Variants in PCCA observed in about 807,000 individuals in gnomAD.
The protein encoded by PCCA is propionyl-CoA carboxylase alpha chain, mitochondrial.
A neutral mutation model predicts 101.3 loss-of-function variants in PCCA; 74 were observed. The ratio of observed to expected loss-of-function variants is 0.73; its 90% CI spans 0.61 to 0.89. PCCA has a LOEUF of 0.89. Among genes scored for constraint, PCCA ranks in the 40% least tolerant of loss-of-function variants. The pLI is 0.00. For missense variants in PCCA, 891 were observed against 907.0 expected (o/e 0.98, Z 0.23); for synonymous variants, 294 against 313.6 (o/e 0.94, Z 0.66).
At position 100,529,861 on chromosome 13, in the gene PCCA, G is replaced by A. The variant is rs367618857; in HGVS notation, c.2119-237G>A. Among the ~76,000 whole-genome samples, 569 of 152,278 alleles carry A rather than the reference G, an allele frequency of 3.7e-3. 4 individuals are homozygous for A. The highest frequency in any genetic ancestry group is 0.014 in the Middle Eastern group (4 of 294). On this transcript the variant is annotated intron_variant, in intron 23 of 23. Transcript: ENST00000376285. The stretch of plus-strand genomic sequence containing the variant: ...AGCCCTCAGGCCAGCCACTGTGAGG[G>A]TGCCGAGGACAGAGGAGACGGGAAA...
At chr13:100,102,245 A>G (rs1361869922) in intron 1 of PCCA, among the ~76,000 whole-genome samples, 1 of 151,716 alleles carries the variant, frequency 6.6e-6, no homozygotes, top group African/African-American at 2.4e-5. Context: ...GGCTCAAGTA[A>G]TACTCCCACC....
chr13:100,446,701 C>CT (rs920189537), intron 20 of PCCA, among the ~76,000 whole-genome samples: 57 of 152,138 alleles, frequency 3.7e-4, no homozygotes, highest in African/African-American at 1.3e-3. Context: ...TGTTTTCTGT[C>CT]TTTTTTTGCC....
chr13:100,233,545 A>G (rs1003379892), intron 7 of PCCA, among the ~76,000 whole-genome samples: 8 of 152,150 alleles, frequency 5.3e-5, no homozygotes, highest in African/African-American at 1.9e-4. Flanking sequence ...AGGGCTTTTT[A>G]TCTCTTCAAA....
At chr13:100,089,584 C>T (rs1379873055) in intron 1 of PCCA, among the ~76,000 whole-genome samples, 2 of 152,218 alleles carry the variant, frequency 1.3e-5, no homozygotes, top group Non-Finnish European at 2.9e-5. Flanking sequence ...TCCAGGGTGT[C>T]TTTTTAGGTG....
chr13:100,176,397 G>A (rs2056241817), intron 6 of PCCA, among the ~76,000 whole-genome samples: 1 of 152,222 alleles, frequency 6.6e-6, no homozygotes, highest in African/African-American at 2.4e-5. Flanking sequence ...AGAAGAAAAT[G>A]TTATAATTCT....
rs77782153 is a variant in PCCA at position 100,520,250 on chromosome 13, A to G, written c.2040+4683A>G. Among the ~76,000 whole-genome samples, 478 of 152,342 alleles carry G rather than the reference A, an allele frequency of 3.1e-3. 18 individuals carry two copies. The East Asian group carries it at 0.064, about 21-fold the overall frequency. ...ATATAACATGAACTTCCCCTGTGGC[A>G]AGCTCCTCCATCTCATTCCTGTCCT... On this transcript the variant is annotated intron_variant, in intron 22 of 23. Coordinates refer to ENST00000376285, the MANE Select transcript of PCCA (RefSeq NM_000282.4).
chr13:100,295,959 T>G (rs2152670436), intron 12 of PCCA, among the ~76,000 whole-genome samples: 1 of 152,364 alleles, frequency 6.6e-6, no homozygotes, highest in Non-Finnish European at 1.5e-5. Context: ...AAAATTTCCT[T>G]GAATCTTGCT....
intron 12 of PCCA, among the ~76,000 whole-genome samples, chr13:100,277,140 C>T (rs1208670018): frequency 1.3e-5 from 2 of 152,090 alleles, no homozygotes; most frequent in African/African-American, 4.8e-5. Flanking sequence ...AGCCCGGTTG[C>T]AGTTCTAGAG....
chr13:100,330,362 G>A (rs572795394), intron 16 of PCCA, among the ~76,000 whole-genome samples, 199 bp from the exon 17 acceptor site: 1 of 152,228 alleles, frequency 6.6e-6, no homozygotes, highest in Admixed American at 6.5e-5. Context: ...GCAATACCAA[G>A]CTTCTTAAAT....
chr13:100,497,192 A>G (rs756519137), intron 21 of PCCA, among the ~76,000 whole-genome samples: 8 of 152,202 alleles, frequency 5.3e-5, no homozygotes, highest in Non-Finnish European at 1.0e-4. Context: ...ATGCACAGTT[A>G]ATTTGGTTGC....
rs151227355 is a variant in PCCA at position 100,261,858 on chromosome 13, G to A, written c.717-871G>A. Among the ~76,000 whole-genome samples the A allele has an allele frequency of 2.0e-5, 3 of 152,242 alleles. No individual in the cohort carries two copies. In the East Asian group the frequency reaches 5.8e-4, roughly 29 times the overall value. ...GTGGGAGGCAACTGCATTTCAAGAT[G>A]TGGATTTAAAATATTAAGCAGTGTT... On this transcript the variant is annotated intron_variant, in intron 9 of 23. Coordinates refer to ENST00000376285, the MANE Select transcript of PCCA (RefSeq NM_000282.4).
At position 100,197,367 on chromosome 13, in the gene PCCA, T is replaced by A. The variant is rs903008143; in HGVS notation, c.469-11965T>A. On this transcript the variant is annotated intron_variant, in intron 6 of 23. Coordinates refer to ENST00000376285, the MANE Select transcript of PCCA (RefSeq NM_000282.4). The stretch of plus-strand genomic sequence containing the variant: ...GGACCATGCCTGGTTAATTTTTAAA[T>A]TTTTTTTTGTAGAAACAGGGCCCCA... 2.6e-5 allele frequency among the ~76,000 whole-genome samples: 4 copies of A among 151,334 alleles called. No homozygotes were observed. In the East Asian group the frequency reaches 5.8e-4, roughly 22 times the overall value.
At chr13:100,256,312 C>T (rs991487825) in intron 8 of PCCA, among the ~76,000 whole-genome samples, 2 of 152,036 alleles carry the variant, frequency 1.3e-5, no homozygotes, top group African/African-American at 4.8e-5. Context: ...GCCTAAATGG[C>T]CCTTCTGATA....
At chr13:100,261,338 G>A (rs917717240) in intron 9 of PCCA, among the ~76,000 whole-genome samples, 1 of 151,678 alleles carries the variant, frequency 6.6e-6, no homozygotes, top group African/African-American at 2.4e-5. Flanking sequence ...TTTTAGGCAA[G>A]CAAGTTTGGG....
At chr13:100,236,336 A>G (rs563837678) in intron 8 of PCCA, 20 of 164,566 alleles carry the variant, frequency 1.2e-4, no homozygotes, top group African/African-American at 4.3e-4. Context: ...AGATGTGGGA[A>G]ATTAGAACTG....
At chr13:100,392,057 G>A (rs1595722445) in intron 19 of PCCA, among the ~76,000 whole-genome samples, 1 of 152,254 alleles carries the variant, frequency 6.6e-6, no homozygotes, top group East Asian at 1.9e-4. Flanking sequence ...GAGTTCTCGT[G>A]TTTATTTCTT....
intron 6 of PCCA, among the ~76,000 whole-genome samples, chr13:100,192,866 C>G (rs912090839): frequency 6.6e-6 from 1 of 152,150 alleles, no homozygotes; most frequent in Non-Finnish European, 1.5e-5. Context: ...TTCACCGTGT[C>G]TGATTTTTAC....
intron 6 of PCCA, among the ~76,000 whole-genome samples, chr13:100,168,591 G>A (rs559994449): frequency 6.6e-6 from 1 of 152,282 alleles, no homozygotes; most frequent in South Asian, 2.1e-4. Flanking sequence ...GCTAGTATTG[G>A]GGGAAAATAT....
At chr13:100,484,115 A>G (rs1456142420) in intron 21 of PCCA, among the ~76,000 whole-genome samples, 1 of 152,200 alleles carries the variant, frequency 6.6e-6, no homozygotes, top group Non-Finnish European at 1.5e-5. Flanking sequence ...CTTTACTTCA[A>G]AGAACCTCAC....
Sources: allele counts gnomAD v4.1 joint callset (sites outside exome capture counted in the v4.1 genomes callset), GRCh38; gene constraint gnomAD v4.1.1; transcripts MANE v1.5; gene names NCBI Gene and HGNC (gene_info 2026-07-23, HGNC 2026-07-21).